Variants in SHISA9 observed in about 807,000 individuals in gnomAD.
SHISA9 encodes the protein protein shisa-9.
SHISA9 carries 13 observed loss-of-function variants against 38.0 expected under a neutral mutation model. The ratio of observed to expected loss-of-function variants is 0.34; its 90% CI spans 0.22 to 0.54. The LOEUF is 0.54. SHISA9 is among the 20% of genes least tolerant of loss of function. The pLI is 0.91. For missense variants in SHISA9, 538 were observed against 575.8 expected, an observed-to-expected ratio of 0.93 and a Z score of 0.67; for synonymous variants, 275 against 242.0, an observed-to-expected ratio of 1.14 and a Z score of -1.27.
chr16:13,364,076 A>G, the SHISA9 span, among the ~76,000 whole-genome samples: 2 of 152,232 alleles, frequency 1.3e-5, no homozygotes, highest in Non-Finnish European at 1.5e-5. Context: ...AACAAAACCA[A>G]AAAAGCCACA....
the SHISA9 span, among the ~76,000 whole-genome samples, chr16:13,398,822 A>G: frequency 6.6e-3 from 1,001 of 152,248 alleles, 4 homozygotes; most frequent in Middle Eastern, 0.034. Flanking sequence ...TTATTCACCA[A>G]TCTTAACTCA....
chr16:12,997,932 T>C (rs1036131803), intron 2 of SHISA9, among the ~76,000 whole-genome samples: 1 of 152,182 alleles, frequency 6.6e-6, no homozygotes, highest in Non-Finnish European at 1.5e-5. Context: ...TGCCTTCTCG[T>C]CCAGACACCA....
the SHISA9 span, among the ~76,000 whole-genome samples, chr16:13,561,499 T>G: frequency 6.6e-6 from 1 of 152,230 alleles, no homozygotes; most frequent in Non-Finnish European, 1.5e-5. Context: ...CATGTTCCGT[T>G]GATAGCTGTC....
the SHISA9 span, among the ~76,000 whole-genome samples, chr16:13,455,231 CCT>C: frequency 6.6e-6 from 1 of 152,172 alleles, no homozygotes; most frequent in Non-Finnish European, 1.5e-5. Flanking sequence ...CCTGCCTCAG[CCT>C]CTGTCTGAAG....
the SHISA9 span, among the ~76,000 whole-genome samples, chr16:13,449,588 T>A: frequency 1.1e-4 from 17 of 152,208 alleles, no homozygotes; most frequent in Non-Finnish European, 1.0e-4. Context: ...GTGTGTGTAC[T>A]GCATTGTAGG....
intron 2 of SHISA9, among the ~76,000 whole-genome samples, chr16:13,199,270 G>T (rs114230479): frequency 0.012 from 1,853 of 152,240 alleles, 35 homozygotes; most frequent in African/African-American, 0.042. Context: ...CCAGGGGTAG[G>T]GGGGCCTACC....
intron 2 of SHISA9, among the ~76,000 whole-genome samples, chr16:12,943,310 TGTGTGTGTGTGTGTGTGTGTGAGAGA>T (rs2071638855): frequency 7.7e-5 from 8 of 104,528 alleles, no homozygotes; most frequent in African/African-American, 3.3e-4. Flanking sequence ...TGTGTGTGTG[TGTGTGTGTGTGTGTGTGTGTGAGAGA>T]GAGAGAGAGA....
At chr16:13,255,467 G>T in the SHISA9 span, among the ~76,000 whole-genome samples, 2 of 151,882 alleles carry the variant, frequency 1.3e-5, no homozygotes, top group Non-Finnish European at 2.9e-5. Context: ...TCTATCTTTA[G>T]GTCAGTTCAC....
chr16:13,533,879 G>A, the SHISA9 span, among the ~76,000 whole-genome samples: 3 of 150,664 alleles, frequency 2.0e-5, no homozygotes, highest in African/African-American at 7.3e-5. Flanking sequence ...CTCCTCCCAG[G>A]TTCACACCAT....
chr16:13,195,697 C>A (rs1453952920), intron 2 of SHISA9, among the ~76,000 whole-genome samples: 2 of 152,144 alleles, frequency 1.3e-5, no homozygotes, highest in African/African-American at 4.8e-5. Context: ...CATTATAGTA[C>A]ATATTTTTGC....
the SHISA9 span, among the ~76,000 whole-genome samples, chr16:13,437,528 C>T: frequency 6.6e-6 from 1 of 152,140 alleles, no homozygotes; most frequent in Non-Finnish European, 1.5e-5. Flanking sequence ...AGCAGAGAAG[C>T]CCGGATGAGA....
At chr16:13,457,472 C>T in the SHISA9 span, among the ~76,000 whole-genome samples, 1 of 152,064 alleles carries the variant, frequency 6.6e-6, no homozygotes, top group African/African-American at 2.4e-5. Flanking sequence ...CTCACAGCCA[C>T]ATGTCTGCCC....
chr16:12,971,027 T>C (rs985242798), intron 2 of SHISA9, among the ~76,000 whole-genome samples: 1 of 151,940 alleles, frequency 6.6e-6, no homozygotes, highest in Admixed American at 6.5e-5. Context: ...ACTTTGGTAG[T>C]GCTGAGGGAA....
chr16:13,212,479 C>G (rs373049350), intron 3 of SHISA9, among the ~76,000 whole-genome samples: 1 of 152,046 alleles, frequency 6.6e-6, no homozygotes, highest in East Asian at 1.9e-4. Flanking sequence ...AGGGCTCATT[C>G]GGGACATCTG....
At chr16:13,043,152 C>G (rs984434891) in intron 2 of SHISA9, among the ~76,000 whole-genome samples, 2 of 152,178 alleles carry the variant, frequency 1.3e-5, no homozygotes, top group African/African-American at 4.8e-5. Context: ...TATCATGTGG[C>G]TTTCAACATT....
At chr16:12,925,923 G>A (rs192134706) in intron 2 of SHISA9, among the ~76,000 whole-genome samples, 5 of 152,036 alleles carry the variant, frequency 3.3e-5, no homozygotes, top group South Asian at 2.1e-4. Context: ...ATGGGGTCTC[G>A]CTATGTTGGC....
At chr16:13,320,623 A>G in the SHISA9 span, among the ~76,000 whole-genome samples, 2 of 152,312 alleles carry the variant, frequency 1.3e-5, no homozygotes, top group South Asian at 2.1e-4. Flanking sequence ...CCTCTGGACA[A>G]TGGCTTCTTC....
At chr16:13,010,165 A>T (rs893470651) in intron 2 of SHISA9, among the ~76,000 whole-genome samples, 1 of 152,180 alleles carries the variant, frequency 6.6e-6, no homozygotes, top group African/African-American at 2.4e-5. Context: ...TAACAGCGAA[A>T]TCTTGTCTCG....
At chr16:13,097,935 C>T (rs2073843411) in intron 2 of SHISA9, among the ~76,000 whole-genome samples, 2 of 152,202 alleles carry the variant, frequency 1.3e-5, no homozygotes, top group Admixed American at 1.3e-4. Flanking sequence ...AGTACTAATT[C>T]TAGCCCTAGT....
Sources: gnomAD v4.1 joint callset for allele counts (sites outside exome capture counted in the v4.1 genomes callset) on GRCh38, gnomAD v4.1.1 for gene constraint, MANE v1.5 for transcripts, NCBI Gene and HGNC (gene_info 2026-07-23, HGNC 2026-07-21) for gene names.